The following CDH12 variants were observed in gnomAD, a reference collection of about 807,000 sequenced individuals.
CDH12 encodes the protein cadherin 12.
CDH12 carries 41 observed loss-of-function variants against 74.1 expected under a neutral mutation model. That is an observed-to-expected ratio of 0.55 (90% CI 0.43 to 0.72). The LOEUF (loss-of-function observed/expected upper bound fraction) is 0.72, where lower values mean the gene tolerates loss of function less well. CDH12 is among the 30% of genes least tolerant of loss of function. The pLI, the probability that CDH12 is intolerant of heterozygous loss-of-function variation, is 0.00. For synonymous variants in CDH12, 399 were observed against 355.0 expected, an observed-to-expected ratio of 1.12 and a Z score of -1.39; for missense variants, 945 against 977.2, an observed-to-expected ratio of 0.97 and a Z score of 0.44.
At chr5:21,815,775 A>T (rs1329489208) in intron 9 of CDH12, among the ~76,000 whole-genome samples, 1 of 152,146 alleles carries the variant, frequency 6.6e-6, no homozygotes, top group Non-Finnish European at 1.5e-5. Flanking sequence ...ATCAACCAAC[A>T]TTGTGGTGAA....
chr5:22,736,285 T>C (rs1330917166), intron 1 of CDH12, among the ~76,000 whole-genome samples: 6 of 151,834 alleles, frequency 4.0e-5, no homozygotes, highest in Admixed American at 3.9e-4. Context: ...TATTTTAGTA[T>C]AATTACATAA....
At chr5:22,448,979 T>C (rs1018551064) in intron 2 of CDH12, among the ~76,000 whole-genome samples, 1 of 151,374 alleles carries the variant, frequency 6.6e-6, no homozygotes, top group Non-Finnish European at 1.5e-5. Context: ...CTTCATATAA[T>C]AATAAAAAGC....
chr5:22,533,309 G>A (rs961955554), intron 1 of CDH12, among the ~76,000 whole-genome samples: 2 of 152,134 alleles, frequency 1.3e-5, no homozygotes, highest in Non-Finnish European at 2.9e-5. Context: ...TACTTCCAAG[G>A]TTAAGAAATC....
intron 3 of CDH12, among the ~76,000 whole-genome samples, chr5:22,242,322 T>C (rs1252160476): frequency 6.6e-6 from 1 of 152,244 alleles, no homozygotes; most frequent in Admixed American, 6.5e-5. Context: ...CAGATATGAA[T>C]GCGTTTGTTA....
chr5:22,681,208 TA>T (rs1187022402), intron 1 of CDH12, among the ~76,000 whole-genome samples: 3 of 149,206 alleles, frequency 2.0e-5, no homozygotes. Context: ...GTAAAATCAT[TA>T]AGCTCCTGGG....
intron 3 of CDH12, among the ~76,000 whole-genome samples, chr5:22,333,225 A>G (rs751327251): frequency 6.6e-6 from 1 of 152,082 alleles, no homozygotes; most frequent in African/African-American, 2.4e-5. Flanking sequence ...AACAGAAACC[A>G]AAAACCGCAT....
chr5:21,937,836 C>T (rs1755144396), intron 6 of CDH12, among the ~76,000 whole-genome samples: 1 of 152,180 alleles, frequency 6.6e-6, no homozygotes, highest in Non-Finnish European at 1.5e-5. Context: ...GAGGCCTCTC[C>T]ACTGTGGGAC....
At chr5:22,122,700 T>C (rs1185126405) in intron 4 of CDH12, among the ~76,000 whole-genome samples, 2 of 152,260 alleles carry the variant, frequency 1.3e-5, no homozygotes, top group African/African-American at 4.8e-5. Context: ...ATTGGTAGAA[T>C]GAGCAGGCAG....
rs541472476 is a variant in CDH12 at position 22,541,514 on chromosome 5, G to A, written c.-522-36150C>T. ...CACAATTGGTACACACTCACTTAGG[G>A]ACAAAACCTGATCATTTGTAAGGCA... On this transcript the variant is annotated intron_variant, in intron 1 of 14. Transcript: ENST00000382254. Among the ~76,000 whole-genome samples, 5 of 152,256 alleles carry A rather than the reference G, an allele frequency of 3.3e-5. No homozygotes were observed. The South Asian group carries it at 6.2e-4, about 19-fold the overall frequency.
chr5:22,770,570 AT>A (rs1746752867), intron 1 of CDH12, among the ~76,000 whole-genome samples: 1 of 152,132 alleles, frequency 6.6e-6, no homozygotes, highest in South Asian at 2.1e-4. Context: ...AAGCTAATTT[AT>A]TTGCTTCCTT....
chr5:22,678,841 C>G (rs887685483), intron 1 of CDH12, among the ~76,000 whole-genome samples: 2 of 151,992 alleles, frequency 1.3e-5, no homozygotes, highest in Admixed American at 1.3e-4. Context: ...CTCTCCTTAC[C>G]TCGTTTGATT....
chr5:22,072,230 C>T (rs1273812548), intron 5 of CDH12, among the ~76,000 whole-genome samples: 1 of 151,996 alleles, frequency 6.6e-6, no homozygotes, highest in Non-Finnish European at 1.5e-5. Flanking sequence ...TTTAAGAATG[C>T]TACTCATCTG....
chr5:22,119,682 G>A (rs1745391171), intron 4 of CDH12, among the ~76,000 whole-genome samples: 1 of 152,094 alleles, frequency 6.6e-6, no homozygotes, highest in African/African-American at 2.4e-5. Context: ...TGCCTTCATA[G>A]CCAAAAGGAC....
chr5:22,650,114 A>C (rs1288402236), intron 1 of CDH12, among the ~76,000 whole-genome samples: 1 of 152,044 alleles, frequency 6.6e-6, no homozygotes, highest in Non-Finnish European at 1.5e-5. Context: ...AAAAGGAAAC[A>C]AATTATTGCT....
At chr5:22,707,480 C>T (rs1743075294) in intron 1 of CDH12, among the ~76,000 whole-genome samples, 1 of 152,034 alleles carries the variant, frequency 6.6e-6, no homozygotes, top group South Asian at 2.1e-4. Flanking sequence ...ATGCAGTAAG[C>T]TCATTGAAGG....
At chr5:21,844,999 G>GTAGATAGATAGATAGATAGA (rs60865016) in intron 7 of CDH12, among the ~76,000 whole-genome samples, 39 of 149,708 alleles carry the variant, frequency 2.6e-4, no homozygotes, top group East Asian at 6.0e-4. Context: ...ACTGAGGTAG[G>GTAGATAGATAGATAGATAGA]TAGATAGATA....
chr5:22,530,108 T>C (rs551540944), intron 1 of CDH12, among the ~76,000 whole-genome samples: 1 of 152,322 alleles, frequency 6.6e-6, no homozygotes, highest in East Asian at 1.9e-4. Context: ...TAAAGATGCA[T>C]GTCAAAGCAA....
chr5:22,111,521 T>G (rs1397507924), intron 4 of CDH12, among the ~76,000 whole-genome samples: 1 of 152,186 alleles, frequency 6.6e-6, no homozygotes, highest in Non-Finnish European at 1.5e-5. Context: ...TACAAGTGAA[T>G]TTTTTCATTT....
chr5:22,845,621 C>A (rs1333906081), intron 1 of CDH12, among the ~76,000 whole-genome samples: 3 of 152,100 alleles, frequency 2.0e-5, no homozygotes, highest in Non-Finnish European at 4.4e-5. Flanking sequence ...GATTCTTCTG[C>A]AGAAGAAAGT....
Sources: allele counts gnomAD v4.1 joint callset (sites outside exome capture counted in the v4.1 genomes callset), GRCh38; gene constraint gnomAD v4.1.1; transcripts MANE v1.5; gene names NCBI Gene and HGNC (gene_info 2026-07-23, HGNC 2026-07-21).